Variants in MS4A13 observed in about 807,000 individuals in gnomAD.
The protein encoded by MS4A13 is membrane-spanning 4-domains subfamily A member 13.
MS4A13 carries 21 observed loss-of-function variants against 18.4 expected under a neutral mutation model. The ratio of observed to expected loss-of-function variants is 1.14; its 90% CI spans 0.81 to 1.64. The LOEUF (loss-of-function observed/expected upper bound fraction) is 1.64. Among genes scored for constraint, MS4A13 ranks in the 40% most tolerant of loss-of-function variants. The probability of loss-of-function intolerance (pLI) is 0.00; values close to 1 mark genes in which losing one functional copy is unlikely to be tolerated. For synonymous variants in MS4A13, 62 were observed against 57.2 expected, an observed-to-expected ratio of 1.08 and a Z score of -0.38; for missense variants, 173 against 176.8, an observed-to-expected ratio of 0.98 and a Z score of 0.12.
intron 6 of MS4A13, among the ~76,000 whole-genome samples, chr11:60,538,997 A>G (rs1308048027): frequency 2.2e-5 from 3 of 134,274 alleles, no homozygotes; most frequent in Non-Finnish European, 4.7e-5. Context: ...TCAGTTCTAC[A>G]ACTGCAAGGA....
rs773150212 is a variant in MS4A13 at position 60,527,358 on chromosome 11, TTCCGTCTCTCTCTC to T, written c.307-2004_307-1991del. Reference sequence around the variant, plus strand: ...ACATCATCTGCCAGGAACTCATTCATTCCGTCTCTCTCTCTCTCTCTCTCTCTCTCTCTCTCTCT... The same window carrying T: ...ACATCATCTGCCAGGAACTCATTCATTCTCTCTCTCTCTCTCTCTCTCTCT... On this transcript the variant is annotated intron_variant, in intron 5 of 6. Coordinates refer to ENST00000378186, the MANE Select transcript of MS4A13 (RefSeq NM_001012417.3). 4.8e-4 allele frequency among the ~76,000 whole-genome samples: 39 copies of T among 81,986 alleles called. 4 individuals carry two copies. The highest frequency in any genetic ancestry group is 1.1e-3 in the East Asian group (3 of 2,690). 53.8% of individuals were successfully genotyped at this position (81,986 alleles called of 152,430 possible). A position where few individuals can be genotyped will look rare whatever the true frequency, so the allele number is the denominator to read the frequency against.
At chr11:60,532,245 T>C (rs536760597) in intron 6 of MS4A13, among the ~76,000 whole-genome samples, 1 of 152,328 alleles carries the variant, frequency 6.6e-6, no homozygotes, top group African/African-American at 2.4e-5. Flanking sequence ...GATTTCTGCA[T>C]TTCCATCTGA....
intron 1 of MS4A13, 108 bp from the exon 2 acceptor site, chr11:60,515,861 T>C (rs1565209000): frequency 6.6e-6 from 1 of 152,224 alleles, no homozygotes; most frequent in Non-Finnish European, 1.5e-5. Flanking sequence ...GAAAGAAGGC[T>C]ATTGCTTCTG....
intron 5 of MS4A13, among the ~76,000 whole-genome samples, chr11:60,527,394 C>CTGTGTGTG (rs2086723640): frequency 1.1e-4 from 13 of 115,262 alleles, no homozygotes; most frequent in African/African-American, 5.5e-4. Context: ...CTCTCTCTCT[C>CTGTGTGTG]TCTCTCTCTC....
At chr11:60,538,710 C>A (rs906872466) in intron 6 of MS4A13, among the ~76,000 whole-genome samples, 2 of 149,118 alleles carry the variant, frequency 1.3e-5, no homozygotes, top group African/African-American at 4.9e-5. Flanking sequence ...CTATGACTTT[C>A]ACTTCCTGGG....
At chr11:60,527,702 G>T (rs991126953) in intron 5 of MS4A13, among the ~76,000 whole-genome samples, 2 of 151,978 alleles carry the variant, frequency 1.3e-5, no homozygotes, top group Non-Finnish European at 2.9e-5. Context: ...TGGGCATGGC[G>T]GTGGGCACCT....
intron 5 of MS4A13, among the ~76,000 whole-genome samples, chr11:60,526,521 G>A (rs910955879): frequency 1.3e-5 from 2 of 152,148 alleles, no homozygotes; most frequent in Non-Finnish European, 2.9e-5. Context: ...CAATGATAAC[G>A]ACCAGTTTTA....
At chr11:60,536,761 C>G (rs2135269006) in intron 6 of MS4A13, among the ~76,000 whole-genome samples, 1 of 101,258 alleles carries the variant, frequency 9.9e-6, no homozygotes, top group South Asian at 4.6e-4. Flanking sequence ...CATCACACTA[C>G]CTGACTTCAA....
chr11:60,541,364 A>C (rs547291363), intron 6 of MS4A13, among the ~76,000 whole-genome samples: 1 of 152,350 alleles, frequency 6.6e-6, no homozygotes, highest in Admixed American at 6.5e-5. Flanking sequence ...CCAAAGTGGA[A>C]ACAACACAGG....
chr11:60,525,161 A>C, intron 4 of MS4A13, 46 bp from the exon 5 acceptor site: 1 of 1,438,464 alleles, frequency 7.0e-7, no homozygotes, highest in East Asian at 2.4e-5. Flanking sequence ...TTACACCAAA[A>C]TGTTTATTCT....
chr11:60,519,725 T>A (rs1425364163), intron 3 of MS4A13, among the ~76,000 whole-genome samples: 2 of 152,124 alleles, frequency 1.3e-5, no homozygotes, highest in African/African-American at 4.8e-5. Context: ...GCAACTATAA[T>A]AAAACAAGAA....
chr11:60,517,516 G>A (rs1298426553), intron 2 of MS4A13, among the ~76,000 whole-genome samples: 1 of 152,026 alleles, frequency 6.6e-6, no homozygotes, highest in African/African-American at 2.4e-5. Context: ...CCGAGTTCAA[G>A]CGAGTCCATT....
intron 5 of MS4A13, among the ~76,000 whole-genome samples, chr11:60,528,509 C>T (rs975909755): frequency 1.3e-5 from 2 of 152,146 alleles, no homozygotes; most frequent in Non-Finnish European, 2.9e-5. Flanking sequence ...TCTAAGAAAT[C>T]AGGAAGTTAT....
intron 3 of MS4A13, 67 bp downstream of exon 3, chr11:60,518,279 T>C (rs2086651438): frequency 7.5e-7 from 1 of 1,330,272 alleles, no homozygotes; most frequent in Non-Finnish European, 1.0e-6. Flanking sequence ...TAGTAGAAGG[T>C]AGGGAACGGT....
At chr11:60,542,776 T>C (rs1198669287), downstream of MS4A13, 5 of 432,542 alleles carry the variant, frequency 1.2e-5, no homozygotes, top group East Asian at 3.5e-5. Context: ...TATTTAAATA[T>C]GAGATTATTA....
intron 6 of MS4A13, among the ~76,000 whole-genome samples, chr11:60,529,950 A>C (rs2086752384): frequency 6.6e-6 from 1 of 152,204 alleles, no homozygotes; most frequent in South Asian, 2.1e-4. Context: ...CTAAATTATA[A>C]ACAATGATGC....
intron 3 of MS4A13, among the ~76,000 whole-genome samples, chr11:60,520,312 C>T (rs1460586885): frequency 6.6e-6 from 1 of 152,144 alleles, no homozygotes; most frequent in African/African-American, 2.4e-5. Flanking sequence ...ATCATGCCTT[C>T]CCAACTGTCC....
chr11:60,540,460 A>T (rs1050161946), intron 6 of MS4A13, among the ~76,000 whole-genome samples: 1 of 152,286 alleles, frequency 6.6e-6, no homozygotes, highest in South Asian at 2.1e-4. Flanking sequence ...TAATAGCACA[A>T]AGAAAAGGAA....
chr11:60,528,709 A>C (rs1565213193), intron 5 of MS4A13, among the ~76,000 whole-genome samples: 1 of 152,108 alleles, frequency 6.6e-6, no homozygotes, highest in African/African-American at 2.4e-5. Flanking sequence ...CAAAACCCAC[A>C]TTTTCAGGAT....
Sources: allele counts gnomAD v4.1 joint callset (sites outside exome capture counted in the v4.1 genomes callset), GRCh38; gene constraint gnomAD v4.1.1; transcripts MANE v1.5; gene names NCBI Gene and HGNC (gene_info 2026-07-23, HGNC 2026-07-21).